GABRG2: variants seen among roughly 807,000 people sequenced by gnomAD.
The protein encoded by GABRG2 is gamma-aminobutyric acid receptor subunit gamma-2.
In GABRG2, 16 loss-of-function variants were observed where a neutral mutation model predicts 56.4. The observed-to-expected ratio is 0.28, with a 90% CI of 0.19 to 0.43. The LOEUF is 0.43. Among genes scored for constraint, GABRG2 ranks in the 20% least tolerant of loss-of-function variants. GABRG2 has a pLI of 1.00. For synonymous variants in GABRG2, 208 were observed against 205.5 expected, an observed-to-expected ratio of 1.01 and a Z score of -0.10; for missense variants, 327 against 582.7, an observed-to-expected ratio of 0.56 and a Z score of 4.52.
Position 162,151,742 on chromosome 5 carries a change from T to A in GABRG2, c.1141T>A (p.Phe381Ile). Residue 381 changes from phenylalanine (F) to isoleucine (I), a missense_variant, in exon 9 of 10, where the codon TTT becomes ATT. By Grantham distance (21) the Phe-to-Ile change is conservative. Transcript: ENST00000639213. ...KKKKNPLLRM[F>I]SFKAPTIDIR... ...TACAAACCCAAAGCTTCTTCGGATG[T>A]TTTCCTTCAAGGTATAATGTTTTTG... The A allele has an allele frequency of 6.2e-7, 1 of 1,611,832 alleles. No homozygotes were observed. Among genetic ancestry groups the A allele is most frequent in the Non-Finnish European group, 8.5e-7 (1 of 1,178,722 alleles).
Position 162,142,222 on chromosome 5 carries a change from C to A in GABRG2, c.828C>A (p.Thr276=). 6.2e-7 allele frequency: 1 copy of A among 1,613,928 alleles called. No individual in the cohort carries two copies. The highest frequency in any genetic ancestry group is 8.5e-7 in the Non-Finnish European group (1 of 1,179,892). The change falls in exon 7 of 10, where the codon ACC becomes ACA. Residue 276 remains threonine (T), a synonymous_variant. Coordinates refer to ENST00000639213, the MANE Select transcript of GABRG2 (RefSeq NM_198904.4). ...FDLSRRMGYF[T]IQTYIPCTLI... ...TGAGCAGAAGAATGGGATACTTTACCATCCAGACCTATATCCCCTGCACAC... is the reference window on the plus strand; with the variant it reads ...TGAGCAGAAGAATGGGATACTTTACAATCCAGACCTATATCCCCTGCACAC...
chr5:162,104,824 A>G (rs1761683174), intron 6 of GABRG2, among the ~76,000 whole-genome samples: 1 of 152,148 alleles, frequency 6.6e-6, no homozygotes, highest in African/African-American at 2.4e-5. Context: ...ATAGTTATCA[A>G]TTGTTGATTT....
intron 1 of GABRG2, among the ~76,000 whole-genome samples, chr5:162,073,221 G>C (rs1166764283): frequency 2.0e-5 from 3 of 151,266 alleles, no homozygotes; most frequent in African/African-American, 7.3e-5. Context: ...TTTTTGTTTT[G>C]ATTGAAAGGT....
chr5:162,117,855 G>C (rs746804841), intron 6 of GABRG2, among the ~76,000 whole-genome samples: 1 of 152,116 alleles, frequency 6.6e-6, no homozygotes, highest in Non-Finnish European at 1.5e-5. Flanking sequence ...GCACAGATAA[G>C]TAGTGTTGGT....
chr5:162,155,392 G>C lies in GABRG2; in HGVS notation c.*2024G>C, dbSNP rs1446757094. ...GCTTTCCAATGTGTGCATAGTATTG[G>C]CAATATGAATATATATTATATATAA... On this transcript the variant is annotated 3_prime_UTR_variant, in exon 10 of 10. Coordinates refer to ENST00000639213, the MANE Select transcript of GABRG2 (RefSeq NM_198904.4). 6.6e-6 allele frequency: 1 copy of C among 152,330 alleles called. No homozygotes were observed. Among genetic ancestry groups the C allele is most frequent in the Non-Finnish European group, 1.5e-5 (1 of 67,976 alleles). 9.4% of individuals were successfully genotyped at this position (152,330 alleles called of 1,614,324 possible). A position where few individuals can be genotyped will look rare whatever the true frequency, so the allele number is the denominator to read the frequency against.
At chr5:162,121,360 A>G (rs1762967592) in intron 6 of GABRG2, among the ~76,000 whole-genome samples, 1 of 152,066 alleles carries the variant, frequency 6.6e-6, no homozygotes, top group African/African-American at 2.4e-5. Flanking sequence ...TTTACACTTG[A>G]TCTTTTTAAA....
chr5:162,132,973 G>T (rs1763862857), intron 6 of GABRG2, among the ~76,000 whole-genome samples: 1 of 151,930 alleles, frequency 6.6e-6, no homozygotes, highest in Non-Finnish European at 1.5e-5. Flanking sequence ...GAACAAAACA[G>T]CATAATTTTA....
chr5:162,115,933 A>G (rs895594375), intron 6 of GABRG2, among the ~76,000 whole-genome samples: 4 of 152,066 alleles, frequency 2.6e-5, no homozygotes, highest in Non-Finnish European at 5.9e-5. Context: ...GCCATTCCAT[A>G]ATATGATGCT....
intron 6 of GABRG2, among the ~76,000 whole-genome samples, chr5:162,137,617 C>CCTTTGAATT (rs1462771992): frequency 6.6e-6 from 1 of 151,988 alleles, no homozygotes; most frequent in Admixed American, 6.6e-5. Context: ...GTCATATTAG[C>CCTTTGAATT]CTTTGAATTC....
At chr5:162,142,763 T>C in intron 7 of GABRG2, 1 of 292,558 alleles carries the variant, frequency 3.4e-6, no homozygotes, top group South Asian at 3.4e-5. Flanking sequence ...GTGGAGGGAT[T>C]GGGGAGGAAA....
chr5:162,089,080 A>T (rs540368049), intron 1 of GABRG2, among the ~76,000 whole-genome samples: 1 of 152,226 alleles, frequency 6.6e-6, no homozygotes, highest in Non-Finnish European at 1.5e-5. Context: ...AGTGGGCAAC[A>T]AATGTAGATA....
At chr5:162,071,818 C>T (rs1339902551) in intron 1 of GABRG2, among the ~76,000 whole-genome samples, 2 of 151,780 alleles carry the variant, frequency 1.3e-5, no homozygotes, top group Non-Finnish European at 2.9e-5. Context: ...GTAGACAAAA[C>T]CCTTCAAATA....
intron 6 of GABRG2, among the ~76,000 whole-genome samples, chr5:162,139,304 A>G (rs558012252): frequency 1.3e-5 from 2 of 152,310 alleles, no homozygotes; most frequent in East Asian, 3.9e-4. Flanking sequence ...GGCTTGGGAA[A>G]TCCACTGATG....
intron 6 of GABRG2, among the ~76,000 whole-genome samples, chr5:162,119,262 T>G (rs947904455): frequency 2.0e-5 from 3 of 152,128 alleles, no homozygotes; most frequent in African/African-American, 7.2e-5. Flanking sequence ...CTATTCTGTC[T>G]GGGGCTGAGA....
intron 6 of GABRG2, among the ~76,000 whole-genome samples, chr5:162,110,136 A>T (rs1211898233): frequency 6.6e-6 from 1 of 152,068 alleles, no homozygotes; most frequent in East Asian, 1.9e-4. Flanking sequence ...ATCACAAGGA[A>T]TATATAACTA....
At chr5:162,083,713 A>T (rs889775977) in intron 1 of GABRG2, 1 of 153,480 alleles carries the variant, frequency 6.5e-6, no homozygotes, top group African/African-American at 2.4e-5. Flanking sequence ...ATAGATGAGG[A>T]GTGTTTTGAT....
Position 162,091,408 on chromosome 5 carries a change from A to G in GABRG2, c.108-2420A>G, listed in dbSNP as rs1581336030. Reference sequence around the variant, plus strand: ...TGTTAGGCACTGTGCTAAGCACTTAAGCATTGTCTTAACCTTACACGGGAA... The same window carrying G: ...TGTTAGGCACTGTGCTAAGCACTTAGGCATTGTCTTAACCTTACACGGGAA... On this transcript the variant is annotated intron_variant, in intron 1 of 9. Coordinates refer to ENST00000639213, the MANE Select transcript of GABRG2 (RefSeq NM_198904.4). 2.6e-5 allele frequency among the ~76,000 whole-genome samples: 4 copies of G among 152,262 alleles called. No individual in the cohort carries two copies. In the South Asian group the frequency reaches 8.3e-4, roughly 32 times the overall value.
At chr5:162,098,613 T>C (rs528911847) in intron 4 of GABRG2, 6 of 152,328 alleles carry the variant, frequency 3.9e-5, no homozygotes, top group Admixed American at 6.5e-5. Flanking sequence ...CCGACTTTGG[T>C]TCTTAGCTCT....
chr5:162,110,280 G>T (rs1015136613), intron 6 of GABRG2, among the ~76,000 whole-genome samples: 4 of 152,050 alleles, frequency 2.6e-5, no homozygotes, highest in Admixed American at 2.6e-4. Context: ...TACATATACT[G>T]TATCTTTACG....
Sources: allele counts gnomAD v4.1 joint callset (sites outside exome capture counted in the v4.1 genomes callset), GRCh38; gene constraint gnomAD v4.1.1; transcripts MANE v1.5; gene names NCBI Gene and HGNC (gene_info 2026-07-23, HGNC 2026-07-21).